PRELID2: variants seen among roughly 807,000 people sequenced by gnomAD.
The protein encoded by PRELID2 is PRELI domain containing 2.
In PRELID2, 25 loss-of-function variants were observed where a neutral mutation model predicts 28.4. The observed-to-expected ratio is 0.88, with a 90% CI of 0.64 to 1.23. The LOEUF is 1.23. Among genes scored for constraint, PRELID2 ranks in the 50% most tolerant of loss-of-function variants. PRELID2 has a pLI of 0.00. For synonymous variants in PRELID2, 76 were observed against 71.6 expected, an observed-to-expected ratio of 1.06 and a Z score of -0.31; for missense variants, 201 against 214.4, an observed-to-expected ratio of 0.94 and a Z score of 0.39.
chr5:145,298,015 A>T, the PRELID2 span, among the ~76,000 whole-genome samples: 1 of 152,184 alleles, frequency 6.6e-6, no homozygotes, highest in Non-Finnish European at 1.5e-5. Flanking sequence ...GGGTAGGAAG[A>T]ATCAATATCA....
At chr5:145,500,284 T>C (rs766406276) in intron 1 of PRELID2, among the ~76,000 whole-genome samples, 35 of 152,102 alleles carry the variant, frequency 2.3e-4, no homozygotes, top group African/African-American at 7.5e-4. Flanking sequence ...TAAAAGTGTG[T>C]AGCACCTCCC....
the PRELID2 span, among the ~76,000 whole-genome samples, chr5:145,449,126 G>T: frequency 6.6e-6 from 1 of 152,002 alleles, no homozygotes. Context: ...AATGACTATT[G>T]GTTCTGAAAG....
At chr5:145,255,351 T>C in the PRELID2 span, among the ~76,000 whole-genome samples, 3 of 151,894 alleles carry the variant, frequency 2.0e-5, no homozygotes, top group Admixed American at 1.3e-4. Flanking sequence ...ATAAAAACTA[T>C]AGTAAAAAGA....
chr5:145,532,675 G>T (rs1397060146), intron 1 of PRELID2, among the ~76,000 whole-genome samples: 1 of 151,890 alleles, frequency 6.6e-6, no homozygotes. Context: ...CTACAAGTTT[G>T]AATTTTTTTA....
chr5:145,484,621 G>A (rs1752197187), intron 1 of PRELID2, among the ~76,000 whole-genome samples: 1 of 152,102 alleles, frequency 6.6e-6, no homozygotes, highest in South Asian at 2.1e-4. Flanking sequence ...ATCTTAAAAG[G>A]CAAGGACACT....
At chr5:145,328,099 G>A in the PRELID2 span, among the ~76,000 whole-genome samples, 28 of 152,062 alleles carry the variant, frequency 1.8e-4, no homozygotes, top group Non-Finnish European at 2.1e-4. Context: ...CCATGTCCCT[G>A]CAGAGGACAT....
At chr5:145,574,925 A>G (rs1753047849) in intron 1 of PRELID2, among the ~76,000 whole-genome samples, 1 of 152,208 alleles carries the variant, frequency 6.6e-6, no homozygotes, top group Non-Finnish European at 1.5e-5. Context: ...CATAGGTGTA[A>G]CCATGTATTT....
chr5:145,726,333 G>C (rs748088000), intron 1 of PRELID2, among the ~76,000 whole-genome samples: 36 of 135,294 alleles, frequency 2.7e-4, no homozygotes, highest in Non-Finnish European at 3.9e-4. Flanking sequence ...GAGAGAAAGA[G>C]AAAGAAAAGG....
At chr5:145,325,392 T>C in the PRELID2 span, among the ~76,000 whole-genome samples, 1 of 152,280 alleles carries the variant, frequency 6.6e-6, no homozygotes, top group East Asian at 1.9e-4. Flanking sequence ...CATGAAAGAA[T>C]CCTGAGCCAA....
the PRELID2 span, among the ~76,000 whole-genome samples, chr5:145,454,327 T>G: frequency 6.6e-6 from 1 of 152,206 alleles, no homozygotes; most frequent in Non-Finnish European, 1.5e-5. Context: ...AATATCATAC[T>G]GAATGGGAAA....
the PRELID2 span, among the ~76,000 whole-genome samples, chr5:145,414,321 T>C: frequency 6.6e-6 from 1 of 152,198 alleles, no homozygotes; most frequent in African/African-American, 2.4e-5. Context: ...TTACATTTGA[T>C]TGGCTGCTCT....
At chr5:145,370,942 C>T in the PRELID2 span, among the ~76,000 whole-genome samples, 1 of 152,040 alleles carries the variant, frequency 6.6e-6, no homozygotes, top group African/African-American at 2.4e-5. Flanking sequence ...TATAGGAATG[C>T]TTGTGATTTT....
At chr5:145,754,698 T>G (rs1581142048), downstream of PRELID2, among the ~76,000 whole-genome samples, 2 of 152,194 alleles carry the variant, frequency 1.3e-5, no homozygotes, top group East Asian at 3.9e-4. Context: ...TTGGGATGAA[T>G]GATGAAATCA....
intron 1 of PRELID2, among the ~76,000 whole-genome samples, chr5:145,708,876 C>T (rs1480367926): frequency 6.6e-6 from 1 of 152,214 alleles, no homozygotes; most frequent in African/African-American, 2.4e-5. Context: ...TCGGGTGGGA[C>T]AAATCCTCGT....
chr5:145,623,173 G>A lies in PRELID2; in HGVS notation n.70+141758C>T, dbSNP rs1008287313. Among the ~76,000 whole-genome samples the A allele has an allele frequency of 8.6e-5, 13 of 151,802 alleles. 1 individual carries two copies. In the South Asian group the frequency reaches 1.7e-3, roughly 19 times the overall value. Reference sequence around the variant, plus strand: ...CTCATTTAAACTAAAGCCACAGGCCGGGAGTGGTGGCTCATGCCTGTAATC... The same window carrying A: ...CTCATTTAAACTAAAGCCACAGGCCAGGAGTGGTGGCTCATGCCTGTAATC... On this transcript the variant is annotated intron_variant and non_coding_transcript_variant, in intron 1 of 2. Coordinates refer to the PRELID2 transcript ENST00000510259.
the PRELID2 span, among the ~76,000 whole-genome samples, chr5:145,246,440 A>G: frequency 6.6e-6 from 1 of 152,172 alleles, no homozygotes; most frequent in Non-Finnish European, 1.5e-5. Context: ...AAATAAAAAA[A>G]TGTAAAGATA....
chr5:145,451,648 G>GA, the PRELID2 span, among the ~76,000 whole-genome samples: 1 of 152,014 alleles, frequency 6.6e-6, no homozygotes, highest in African/African-American at 2.4e-5. Context: ...TATATGTTGA[G>GA]AAAAAACCTT....
chr5:145,447,627 C>A, the PRELID2 span, among the ~76,000 whole-genome samples: 170 of 103,572 alleles, frequency 1.6e-3, 4 homozygotes, highest in East Asian at 0.044. Context: ...CCCCCTCCCC[C>A]CACCCCACCA....
At chr5:145,485,937 A>G (rs1268132561) in intron 1 of PRELID2, among the ~76,000 whole-genome samples, 1 of 152,166 alleles carries the variant, frequency 6.6e-6, no homozygotes, top group Non-Finnish European at 1.5e-5. Flanking sequence ...ATCTATCTTC[A>G]CCTATAATAA....
Sources: allele counts gnomAD v4.1 joint callset (sites outside exome capture counted in the v4.1 genomes callset), GRCh38; gene constraint gnomAD v4.1.1; transcripts MANE v1.5; gene names NCBI Gene and HGNC (gene_info 2026-07-23, HGNC 2026-07-21).